The following IMMP1L variants were observed in gnomAD, a reference collection of about 807,000 sequenced individuals.
IMMP1L encodes the protein inner mitochondrial membrane peptidase subunit 1.
IMMP1L carries 24 observed loss-of-function variants against 21.8 expected under a neutral mutation model. That is an observed-to-expected ratio of 1.10 (90% CI 0.80 to 1.55). The LOEUF is 1.55. Among genes scored for constraint, IMMP1L ranks in the 40% most tolerant of loss-of-function variants. IMMP1L has a pLI of 0.00. For synonymous variants in IMMP1L, 46 were observed against 62.8 expected (o/e 0.73, Z 1.26); for missense variants, 195 against 200.7 (o/e 0.97, Z 0.17).
chr11:31,457,348 A>G (rs1215522122), intron 3 of IMMP1L, among the ~76,000 whole-genome samples: 1 of 152,164 alleles, frequency 6.6e-6, no homozygotes, highest in African/African-American at 2.4e-5. Flanking sequence ...GTGAAAAGGA[A>G]GAAAGATAGA....
chr11:31,435,588 A>C (rs1953091391), intron 4 of IMMP1L, among the ~76,000 whole-genome samples: 1 of 152,348 alleles, frequency 6.6e-6, no homozygotes, highest in East Asian at 1.9e-4. Context: ...GCAAAAAATG[A>C]TACCTTTGTC....
intron 3 of IMMP1L, among the ~76,000 whole-genome samples, chr11:31,458,868 A>AT (rs530865164): frequency 1.3e-5 from 2 of 152,148 alleles, no homozygotes; most frequent in Admixed American, 6.6e-5. Flanking sequence ...GCAACGAGTA[A>AT]TTTTTTTAAA....
At chr11:31,446,168 T>C (rs1304757852) in intron 4 of IMMP1L, among the ~76,000 whole-genome samples, 1 of 152,200 alleles carries the variant, frequency 6.6e-6, no homozygotes, top group Non-Finnish European at 1.5e-5. Flanking sequence ...AACTTGGGTG[T>C]CATTTTTAAG....
chr11:31,433,676 CTT>C lies in IMMP1L; in HGVS notation c.322-108_322-107del, dbSNP rs956204126. 3 of 564,308 alleles carry C rather than the reference CTT, an allele frequency of 5.3e-6. No homozygotes were observed. The African/African-American group carries it at 5.8e-5, about 11-fold the overall frequency. The allele number at this position is 564,308 out of a possible 1,614,324, so 35.0% of individuals were successfully genotyped here. Reference sequence around the variant, plus strand: ...GTAGGGAGAAATGTCCTAAGGCTCTCTTTTATAGAATAGATACAAATCCTAAT... The same window carrying C: ...GTAGGGAGAAATGTCCTAAGGCTCTCTTATAGAATAGATACAAATCCTAAT... On this transcript the variant is annotated intron_variant, in intron 4 of 5. Coordinates refer to ENST00000532287, the MANE Select transcript of IMMP1L (RefSeq NM_001304274.2).
rs1389517592 is a variant in IMMP1L at position 31,463,301 on chromosome 11, T to A, written c.-25A>T. 1 of 1,574,562 alleles carries A rather than the reference T, an allele frequency of 6.4e-7. No individual in the cohort carries two copies. Among genetic ancestry groups the A allele is most frequent in the African/African-American group, 1.4e-5 (1 of 72,480 alleles). On this transcript the variant is annotated 5_prime_UTR_variant, in exon 2 of 6. The change abolishes an upstream ATG in the 5' untranslated region. Coordinates refer to ENST00000532287, the MANE Select transcript of IMMP1L (RefSeq NM_001304274.2). ...TAGTTCTATGTAGACTCTGCCACCA[T>A]TGGCCTGATGGTAAATTTCAAAAAG...
At chr11:31,442,493 G>C (rs1049487647) in intron 4 of IMMP1L, among the ~76,000 whole-genome samples, 1 of 152,056 alleles carries the variant, frequency 6.6e-6, no homozygotes, top group Non-Finnish European at 1.5e-5. Context: ...GAAAAGTTCT[G>C]GCTAAAAAAT....
At chr11:31,443,256 G>C (rs760745429) in intron 4 of IMMP1L, among the ~76,000 whole-genome samples, 1 of 152,080 alleles carries the variant, frequency 6.6e-6, no homozygotes, top group Non-Finnish European at 1.5e-5. Context: ...CAGTTTGTTT[G>C]AGTCATGTAA....
intron 1 of IMMP1L, among the ~76,000 whole-genome samples, chr11:31,500,167 T>C (rs1955573027): frequency 6.6e-6 from 1 of 151,956 alleles, no homozygotes; most frequent in Non-Finnish European, 1.5e-5. Context: ...GTCAGTCTTT[T>C]TTTTTCCATT....
At chr11:31,466,361 C>A (rs1002128986) in intron 1 of IMMP1L, among the ~76,000 whole-genome samples, 13 of 151,948 alleles carry the variant, frequency 8.6e-5, no homozygotes, top group African/African-American at 2.9e-4. Flanking sequence ...TTTAAAAACT[C>A]TAGAGAATCA....
At chr11:31,508,582 T>C (rs1397363813) in intron 1 of IMMP1L, among the ~76,000 whole-genome samples, 1 of 152,184 alleles carries the variant, frequency 6.6e-6, no homozygotes, top group African/African-American at 2.4e-5. Flanking sequence ...CTAATTTCAA[T>C]TTATCAAACA....
At chr11:31,452,432 C>T (rs1953787946) in intron 4 of IMMP1L, 28 of 985,304 alleles carry the variant, frequency 2.8e-5, no homozygotes, top group Non-Finnish European at 3.4e-5. Context: ...GTTTACTTTG[C>T]ATTTTGCCTG....
intron 1 of IMMP1L, among the ~76,000 whole-genome samples, chr11:31,492,262 T>G (rs1379192792): frequency 6.6e-6 from 1 of 152,234 alleles, no homozygotes; most frequent in Admixed American, 6.5e-5. Context: ...TGTTATGGCT[T>G]CTCTCCTTAA....
At chr11:31,445,578 G>T (rs530558209) in intron 4 of IMMP1L, among the ~76,000 whole-genome samples, 1 of 152,238 alleles carries the variant, frequency 6.6e-6, no homozygotes, top group East Asian at 1.9e-4. Flanking sequence ...TTAAAAACAG[G>T]CATTGTTGAA....
At chr11:31,467,679 G>A (rs1311085123) in intron 1 of IMMP1L, among the ~76,000 whole-genome samples, 1 of 151,962 alleles carries the variant, frequency 6.6e-6, no homozygotes, top group Non-Finnish European at 1.5e-5. Context: ...ATTACCACCA[G>A]TGTAATAATT....
intron 3 of IMMP1L, among the ~76,000 whole-genome samples, chr11:31,459,294 G>C (rs1223773796): frequency 8.5e-5 from 13 of 152,146 alleles, no homozygotes; most frequent in Non-Finnish European, 1.3e-4. Context: ...TTTCAGTAAT[G>C]TGAAATAGGT....
rs546903324 is a variant in IMMP1L, at chr11:31,455,701, T to C, written c.321+559A>G. On this transcript the variant is annotated intron_variant, in intron 4 of 5. Coordinates refer to ENST00000532287, the MANE Select transcript of IMMP1L (RefSeq NM_001304274.2). ...CAGGGCCTCAATCTTTCCATGTTTT[T>C]TATGACCTTGACATTTTTGAAGAGT... Among the ~76,000 whole-genome samples, 43 of 152,340 alleles carry C rather than the reference T, an allele frequency of 2.8e-4. 1 individual carries two copies. The South Asian group carries it at 8.5e-3, about 30-fold the overall frequency.
chr11:31,458,198 TCTAA>T (rs1954009982), intron 3 of IMMP1L, among the ~76,000 whole-genome samples: 1 of 152,176 alleles, frequency 6.6e-6, no homozygotes, highest in Non-Finnish European at 1.5e-5. Flanking sequence ...TTTCTGGTAG[TCTAA>T]CTAGATATAT....
intron 1 of IMMP1L, among the ~76,000 whole-genome samples, chr11:31,472,132 G>C (rs1424508773): frequency 1.3e-5 from 2 of 152,040 alleles, no homozygotes; most frequent in Non-Finnish European, 2.9e-5. Context: ...AATTCACAAT[G>C]ATCTCAAAAT....
intron 1 of IMMP1L, among the ~76,000 whole-genome samples, chr11:31,479,364 T>A (rs544043569): frequency 6.6e-6 from 1 of 152,168 alleles, no homozygotes; most frequent in East Asian, 1.9e-4. Flanking sequence ...ATTTTATGTA[T>A]CACACAGAAA....
Sources: gnomAD v4.1 joint callset for allele counts (sites outside exome capture counted in the v4.1 genomes callset) on GRCh38, gnomAD v4.1.1 for gene constraint, MANE v1.5 for transcripts, NCBI Gene and HGNC (gene_info 2026-07-23, HGNC 2026-07-21) for gene names.